LRRC8D: variants seen among roughly 807,000 people sequenced by gnomAD.
The protein encoded by LRRC8D is leucine rich repeat containing 8 VRAC subunit D.
A neutral mutation model predicts 55.8 loss-of-function variants in LRRC8D; 20 were observed. The observed-to-expected ratio is 0.36, with a 90% CI of 0.25 to 0.52. LRRC8D has a LOEUF of 0.52. Among genes scored for constraint, LRRC8D ranks in the 20% least tolerant of loss-of-function variants. LRRC8D has a pLI of 0.93. For missense variants in LRRC8D, 651 were observed against 1,030.8 expected, an observed-to-expected ratio of 0.63 and a Z score of 5.05; for synonymous variants, 352 against 377.0, an observed-to-expected ratio of 0.93 and a Z score of 0.77.
At chr1:89,872,555 T>C (rs1662047800) in intron 2 of LRRC8D, among the ~76,000 whole-genome samples, 1 of 152,226 alleles carries the variant, frequency 6.6e-6, no homozygotes, top group Non-Finnish European at 1.5e-5. Flanking sequence ...CCAGCTTTGG[T>C]TTCTTCATTT....
At chr1:89,904,299 C>T (rs1470167379) in intron 2 of LRRC8D, among the ~76,000 whole-genome samples, 1 of 152,202 alleles carries the variant, frequency 6.6e-6, no homozygotes, top group Non-Finnish European at 1.5e-5. Flanking sequence ...CTGGTGAATT[C>T]AAGAAAGTTG....
intron 1 of LRRC8D, among the ~76,000 whole-genome samples, chr1:89,824,094 T>C (rs1660708492): frequency 6.6e-6 from 1 of 152,166 alleles, no homozygotes; most frequent in Non-Finnish European, 1.5e-5. Context: ...CAGGTGCTGC[T>C]GTCATCTAGT....
intron 2 of LRRC8D, among the ~76,000 whole-genome samples, chr1:89,899,630 T>G (rs1662799810): frequency 6.6e-6 from 1 of 152,242 alleles, no homozygotes; most frequent in African/African-American, 2.4e-5. Context: ...ATTTGAAAAT[T>G]TTGTGCATCT....
chr1:89,903,037 T>C (rs1662904117), intron 2 of LRRC8D, among the ~76,000 whole-genome samples: 1 of 152,154 alleles, frequency 6.6e-6, no homozygotes, highest in Non-Finnish European at 1.5e-5. Flanking sequence ...CACCACAACC[T>C]CTGAGGTGAG....
intron 2 of LRRC8D, among the ~76,000 whole-genome samples, chr1:89,912,190 C>A (rs1439430660): frequency 6.6e-6 from 1 of 152,170 alleles, no homozygotes; most frequent in African/African-American, 2.4e-5. Context: ...TTTTCTCCTT[C>A]ATCTCCCTGC....
chr1:89,914,377 C>T (rs1663206772), intron 2 of LRRC8D, among the ~76,000 whole-genome samples: 1 of 152,198 alleles, frequency 6.6e-6, no homozygotes, highest in Non-Finnish European at 1.5e-5. Flanking sequence ...GAGTGGGCTC[C>T]AGCCTTGGCC....
chr1:89,843,350 C>A (rs573806595), intron 1 of LRRC8D: 2 of 253,124 alleles, frequency 7.9e-6, no homozygotes, highest in African/African-American at 4.5e-5. Flanking sequence ...GAGGGGAGAA[C>A]CCGAGCAGCA....
At chr1:89,841,763 A>T (rs1005023559) in intron 1 of LRRC8D, among the ~76,000 whole-genome samples, 1 of 152,214 alleles carries the variant, frequency 6.6e-6, no homozygotes, top group Non-Finnish European at 1.5e-5. Flanking sequence ...TAATGGAAAA[A>T]GCCAGTATCC....
intron 2 of LRRC8D, among the ~76,000 whole-genome samples, chr1:89,928,976 T>C (rs1012435026): frequency 3.9e-5 from 6 of 152,254 alleles, no homozygotes; most frequent in Admixed American, 2.6e-4. Flanking sequence ...CATCTGTAGA[T>C]GTTAATAAAT....
intron 2 of LRRC8D, among the ~76,000 whole-genome samples, chr1:89,847,351 AGAG>A (rs1661305873): frequency 6.6e-6 from 1 of 152,170 alleles, no homozygotes. Context: ...ACCCTCAGGG[AGAG>A]GAGAAGGTAA....
At chr1:89,838,210 AG>A (rs1178382029) in intron 1 of LRRC8D, among the ~76,000 whole-genome samples, 1,080 of 25,084 alleles carry the variant, frequency 0.043, 10 homozygotes, top group Middle Eastern at 0.17. Context: ...AAAAAAAAAA[AG>A]GGGGGAAAAA....
At chr1:89,829,724 T>C (rs915347988) in intron 1 of LRRC8D, among the ~76,000 whole-genome samples, 3 of 152,230 alleles carry the variant, frequency 2.0e-5, no homozygotes, top group Admixed American at 2.0e-4. Context: ...CCAATGCTCT[T>C]GTCACCCCAA....
chr1:89,914,468 GA>G (rs1304851542), intron 2 of LRRC8D, among the ~76,000 whole-genome samples: 1 of 152,254 alleles, frequency 6.6e-6, no homozygotes, highest in Admixed American at 6.5e-5. Context: ...CCAGGCAGAG[GA>G]GGTGCCGAGA....
At chr1:89,826,727 C>T (rs558274565) in intron 1 of LRRC8D, among the ~76,000 whole-genome samples, 1 of 152,220 alleles carries the variant, frequency 6.6e-6, no homozygotes, top group South Asian at 2.1e-4. Context: ...TGGGGTCCCT[C>T]GGGTCTTATT....
rs115216283 is a variant in LRRC8D at position 89,923,076 on chromosome 1, T to A, written c.-2-9991T>A. Among the ~76,000 whole-genome samples the A allele has an allele frequency of 9.0e-3, 1,370 of 152,330 alleles. 28 individuals are homozygous for A. Among genetic ancestry groups the A allele is most frequent in the African/African-American group, 0.031 (1,284 of 41,578 alleles). ...ATATTCAACCCTGTTGTTTTCAGATTTAGTTTTGTTCAACCAAAGTCCAAT... is the reference window on the plus strand; with the variant it reads ...ATATTCAACCCTGTTGTTTTCAGATATAGTTTTGTTCAACCAAAGTCCAAT... On this transcript the variant is annotated intron_variant, in intron 2 of 2. Transcript: ENST00000337338.
At chr1:89,831,126 G>A (rs547442461) in intron 1 of LRRC8D, among the ~76,000 whole-genome samples, 4 of 152,058 alleles carry the variant, frequency 2.6e-5, no homozygotes, top group South Asian at 2.1e-4. Context: ...GGCTGGTCTC[G>A]AACTCCTAAC....
In LRRC8D at chr1:89,933,161, A is replaced by G. The variant is rs746322286; in HGVS notation, c.93A>G (p.Leu31=). Residue 31 remains leucine (L), a synonymous_variant, in exon 3 of 3, where the codon CTA becomes CTG. Transcript: ENST00000337338. This position sits in a 1 kb window ranked among gnomAD's most constrained non-coding sequence, Gnocchi z 7.0. ...KPWWDVFMDY[L]AVVMLMVAIF... ...GGTGGGATGTGTTTATGGATTACCT[A>G]GCTGTTGTTATGTTAATGGTAGCCA... is the stretch of plus-strand genomic sequence containing the variant. 3.7e-6 allele frequency: 6 copies of G among 1,614,196 alleles called. No homozygotes were observed. Among genetic ancestry groups the G allele is most frequent in the Admixed American group, 3.3e-5 (2 of 60,024 alleles).
At chr1:89,926,541 C>T (rs1413642534) in intron 2 of LRRC8D, among the ~76,000 whole-genome samples, 1 of 152,180 alleles carries the variant, frequency 6.6e-6, no homozygotes, top group Non-Finnish European at 1.5e-5. Flanking sequence ...TGAGGAGTTG[C>T]CTCCTTCAAT....
intron 2 of LRRC8D, among the ~76,000 whole-genome samples, chr1:89,885,178 T>C (rs998978829): frequency 6.6e-6 from 1 of 152,244 alleles, no homozygotes; most frequent in Non-Finnish European, 1.5e-5. Flanking sequence ...GGCAAAATCT[T>C]ACCCTTTGAC....
Sources: allele counts gnomAD v4.1 joint callset (sites outside exome capture counted in the v4.1 genomes callset), GRCh38; gene constraint gnomAD v4.1.1; non-coding constraint Gnocchi (gnomAD v3.1); transcripts MANE v1.5; gene names NCBI Gene and HGNC (gene_info 2026-07-23, HGNC 2026-07-21).